SOX6: variants seen among roughly 807,000 people sequenced by gnomAD.
SOX6 encodes transcription factor SOX-6.
SOX6 carries 11 observed loss-of-function variants against 97.8 expected under a neutral mutation model. That is an observed-to-expected ratio of 0.11 (90% CI 0.07 to 0.19). SOX6 has a LOEUF of 0.19. Ranked by LOEUF, SOX6 falls within the 10% of genes least tolerant of loss-of-function variation. The probability of loss-of-function intolerance (pLI) is 1.00; values close to 1 mark genes in which losing one functional copy is unlikely to be tolerated. For synonymous variants in SOX6, 360 were observed against 371.4 expected, an observed-to-expected ratio of 0.97 and a Z score of 0.35; for missense variants, 810 against 1,039.5, an observed-to-expected ratio of 0.78 and a Z score of 3.04.
At chr11:16,047,701 CGTGTGTGTGT>C (rs68008241) in intron 11 of SOX6, among the ~76,000 whole-genome samples, 74 of 146,008 alleles carry the variant, frequency 5.1e-4, no homozygotes, top group South Asian at 1.6e-3. Flanking sequence ...CATTTCATAG[CGTGTGTGTGT>C]GTGTGTGTGT....
intron 4 of SOX6, among the ~76,000 whole-genome samples, chr11:16,582,903 C>A (rs933051101): frequency 4.0e-5 from 6 of 151,872 alleles, no homozygotes; most frequent in Admixed American, 1.3e-4. Flanking sequence ...CCAAATTATT[C>A]CAGAGCATAG....
intron 4 of SOX6, among the ~76,000 whole-genome samples, chr11:16,216,313 A>T (rs1375432138): frequency 6.6e-6 from 1 of 152,196 alleles, no homozygotes; most frequent in South Asian, 2.1e-4. Context: ...ACCTAACACA[A>T]TGATGGGCAA....
chr11:16,013,283 T>C (rs759726429), intron 13 of SOX6, among the ~76,000 whole-genome samples: 12 of 152,040 alleles, frequency 7.9e-5, no homozygotes, highest in Non-Finnish European at 1.5e-4. Context: ...TAATTACATA[T>C]GGTCAACAAT....
intron 2 of SOX6, among the ~76,000 whole-genome samples, chr11:16,340,034 G>A (rs1856583126): frequency 6.6e-6 from 1 of 151,930 alleles, no homozygotes; most frequent in Non-Finnish European, 1.5e-5. Context: ...GACTGTGTCT[G>A]CAAAATCATC....
At chr11:15,993,476 C>T (rs1292075231) in intron 13 of SOX6, among the ~76,000 whole-genome samples, 1 of 152,150 alleles carries the variant, frequency 6.6e-6, no homozygotes. Flanking sequence ...CCTAGACCCA[C>T]AGTTATGTAC....
chr11:16,435,755 GA>G lies in SOX6; in HGVS notation c.-5+40559del, dbSNP rs568175341. On this transcript the variant is annotated intron_variant, in intron 1 of 15. Coordinates refer to the SOX6 transcript ENST00000396356. ...TTTCAGCAAAACTATTTCAAATTGG[GA>G]AAAAAAAAAAAGTTTCTTCTCCCTT... Among the ~76,000 whole-genome samples, 307 of 143,684 alleles carry G rather than the reference GA, an allele frequency of 2.1e-3. 1 individual carries two copies. Among genetic ancestry groups the G allele is most frequent in the South Asian group, 9.1e-3 (41 of 4,528 alleles). 94.3% of individuals were successfully genotyped at this position (143,684 alleles called of 152,430 possible).
intron 3 of SOX6, among the ~76,000 whole-genome samples, chr11:16,649,613 C>T (rs1849063339): frequency 6.6e-6 from 1 of 151,878 alleles, no homozygotes; most frequent in African/African-American, 2.4e-5. Context: ...CAAGAAATCC[C>T]AAAAGGAGTT....
chr11:16,484,680 C>T (rs762690580), intron 4 of SOX6: 20 of 611,746 alleles, frequency 3.3e-5, no homozygotes, highest in African/African-American at 1.5e-4. Context: ...ATGGCTGCTG[C>T]GCTCCCCAGA....
At chr11:16,019,606 A>G (rs1022623241) in intron 12 of SOX6, among the ~76,000 whole-genome samples, 1 of 152,196 alleles carries the variant, frequency 6.6e-6, no homozygotes, top group African/African-American at 2.4e-5. Flanking sequence ...AAGACAGTAA[A>G]TAATTTCTAT....
chr11:16,638,285 T>A (rs970728863), intron 3 of SOX6, among the ~76,000 whole-genome samples: 2 of 152,148 alleles, frequency 1.3e-5, no homozygotes, highest in African/African-American at 4.8e-5. Context: ...TGTGCCACAT[T>A]TTCTTAATCC....
intron 4 of SOX6, among the ~76,000 whole-genome samples, chr11:16,551,028 G>A (rs893365670): frequency 3.3e-5 from 5 of 152,044 alleles, no homozygotes; most frequent in Non-Finnish European, 7.4e-5. Flanking sequence ...GACCAGCCTA[G>A]GCAACATAGT....
chr11:16,360,787 A>G (rs1857192648), upstream of SOX6, among the ~76,000 whole-genome samples: 2 of 152,138 alleles, frequency 1.3e-5, no homozygotes, highest in South Asian at 4.1e-4. Flanking sequence ...GCAGATCACA[A>G]GGTCAGGAGA....
chr11:15,974,990 C>T (rs948217885), intron 15 of SOX6, among the ~76,000 whole-genome samples: 3 of 152,114 alleles, frequency 2.0e-5, no homozygotes, highest in Non-Finnish European at 2.9e-5. Flanking sequence ...GACTTGAATC[C>T]CATCACTCTT....
chr11:16,639,340 A>G (rs1481055145), intron 3 of SOX6, among the ~76,000 whole-genome samples: 1 of 152,218 alleles, frequency 6.6e-6, no homozygotes, highest in Non-Finnish European at 1.5e-5. Flanking sequence ...GTTTGAAGTC[A>G]GGTAGCATGA....
At position 16,318,656 on chromosome 11, in the gene SOX6, A is replaced by G. The variant is rs1202078245; in HGVS notation, c.238-3T>C. ...CATAACTTATTATTCTCTGATTCCT[A>G]GAAAAATAAAATAAAATAAAACCAT... On this transcript the variant is annotated splice_polypyrimidine_tract_variant and splice_region_variant and intron_variant, in intron 2 of 15. Coordinates refer to ENST00000683767, the MANE Select transcript of SOX6 (RefSeq NM_001367873.1). 1 of 1,609,886 alleles carries G rather than the reference A, an allele frequency of 6.2e-7. No homozygotes were observed. The highest frequency in any genetic ancestry group is 1.7e-5 in the Admixed American group (1 of 59,906).
At chr11:16,128,843 GT>G (rs1310704901) in intron 6 of SOX6, among the ~76,000 whole-genome samples, 1 of 151,808 alleles carries the variant, frequency 6.6e-6, no homozygotes, top group African/African-American at 2.4e-5. Context: ...TTATTTCCCA[GT>G]TTTCTTTATC....
intron 4 of SOX6, among the ~76,000 whole-genome samples, chr11:16,229,977 A>T (rs534070666): frequency 4.0e-5 from 6 of 151,888 alleles, no homozygotes; most frequent in African/African-American, 1.4e-4. Flanking sequence ...TACAGTTGTA[A>T]AAATAACTAT....
chr11:16,493,277 C>T (rs1031063597), intron 4 of SOX6, among the ~76,000 whole-genome samples: 22 of 151,942 alleles, frequency 1.4e-4, no homozygotes, highest in African/African-American at 4.4e-4. Flanking sequence ...TACTGCTACA[C>T]GAAATAACAA....
At chr11:16,660,226 C>CT (rs1329501232) in intron 3 of SOX6, among the ~76,000 whole-genome samples, 4 of 151,944 alleles carry the variant, frequency 2.6e-5, no homozygotes, top group Non-Finnish European at 5.9e-5. Context: ...TTAGAGCTTT[C>CT]TTTTTTAATA....
Sources: gnomAD v4.1 joint callset for allele counts (sites outside exome capture counted in the v4.1 genomes callset) on GRCh38, gnomAD v4.1.1 for gene constraint, MANE v1.5 for transcripts, NCBI Gene and HGNC (gene_info 2026-07-23, HGNC 2026-07-21) for gene names.